Variants in AFF4 observed in about 807,000 individuals in gnomAD.
The protein encoded by AFF4 is AF4/FMR2 family member 4.
In AFF4, 13 loss-of-function variants were observed where a neutral mutation model predicts 124.8. That is an observed-to-expected ratio of 0.10 (90% CI 0.07 to 0.17). The LOEUF (loss-of-function observed/expected upper bound fraction) is 0.17. Ranked by LOEUF, AFF4 falls within the 10% of genes least tolerant of loss-of-function variation. The pLI, the probability that AFF4 is intolerant of heterozygous loss-of-function variation, is 1.00. For missense variants in AFF4, 1,092 were observed against 1,403.8 expected (o/e 0.78, Z 3.55); for synonymous variants, 477 against 496.1 (o/e 0.96, Z 0.51).
At chr5:132,907,624 ATG>A (rs143864697) in intron 5 of AFF4, among the ~76,000 whole-genome samples, 3 of 151,354 alleles carry the variant, frequency 2.0e-5, no homozygotes, top group Non-Finnish European at 3.0e-5. Context: ...ATGTGTGCAT[ATG>A]TGTGTGTGTG....
At chr5:132,931,187 G>A (rs1279903850) in intron 4 of AFF4, among the ~76,000 whole-genome samples, 2 of 152,012 alleles carry the variant, frequency 1.3e-5, no homozygotes, top group African/African-American at 4.8e-5. Flanking sequence ...GGCCGGGCAG[G>A]AGGATGGGGG....
chr5:132,941,244 G>C (rs1761562150), intron 1 of AFF4, among the ~76,000 whole-genome samples: 1 of 152,116 alleles, frequency 6.6e-6, no homozygotes, highest in Non-Finnish European at 1.5e-5. Context: ...AAATTTAAAT[G>C]AGTCAATCTG....
In AFF4 at chr5:132,963,599, G is replaced by C; in HGVS notation, c.-345C>G. On this transcript the variant is annotated 5_prime_UTR_variant, in exon 1 of 21. Transcript: ENST00000265343. ...CGCCCCGTCCGCTGGCGGCGGCGACGGCAGCTGGACTCCTGCAGCCAGGGC... is the reference window on the plus strand; with the variant it reads ...CGCCCCGTCCGCTGGCGGCGGCGACCGCAGCTGGACTCCTGCAGCCAGGGC... The C allele has an allele frequency of 2.5e-6, 1 of 397,600 alleles. No homozygotes were observed. Among genetic ancestry groups the C allele is most frequent in the Admixed American group, 4.4e-5 (1 of 22,702 alleles). The allele number at this position is 397,600 out of a possible 1,614,324, so 24.6% of individuals were successfully genotyped here. A position where few individuals can be genotyped will look rare whatever the true frequency, so the allele number is the denominator to read the frequency against.
At chr5:132,957,190 A>T (rs1397801025) in intron 1 of AFF4, among the ~76,000 whole-genome samples, 1 of 151,284 alleles carries the variant, frequency 6.6e-6, no homozygotes, top group Non-Finnish European at 1.5e-5. Context: ...AAACCAAAAA[A>T]TTTAGCCAGG....
intron 18 of AFF4, 36 bp from the exon 19 acceptor site, chr5:132,885,155 A>T: frequency 6.8e-7 from 1 of 1,465,752 alleles, no homozygotes; most frequent in Non-Finnish European, 9.4e-7. Context: ...ACAACAACAA[A>T]AACCACCACT....
Position 132,881,095 on chromosome 5 carries a change from C to T in AFF4, c.3456G>A (p.Leu1152=). The T allele has an allele frequency of 6.2e-7, 1 of 1,614,100 alleles. No homozygotes were observed. The highest frequency in any genetic ancestry group is 8.5e-7 in the Non-Finnish European group (1 of 1,179,986). ...ACTTGGCATCCTGGCGAAGCCAGTG[C>T]AGTCCCTGCCGGGTATAACGAACTA... ...TDLVRYTRQG[L]HWLRQDAKLI... The change falls in exon 21 of 21, where the codon CTG becomes CTA. Residue 1152 remains leucine, a synonymous_variant. Coordinates refer to ENST00000265343, the MANE Select transcript of AFF4 (RefSeq NM_014423.4).
intron 2 of AFF4, 145 bp from the exon 3 acceptor site, chr5:132,935,086 A>C: frequency 7.3e-6 from 4 of 548,748 alleles, no homozygotes; most frequent in Non-Finnish European, 1.2e-5. Flanking sequence ...AATACCTTGA[A>C]GCAAACTCCA....
rs1163731664 is a variant in AFF4 at position 132,959,757 on chromosome 5, C to CTTTTTTTT, written c.-5+3494_-5+3501dup. ...GTTAACAACAAGTAGGAGTGCTTTT[C>CTTTTTTTT]TTTTTTTTTTTTTTTTTTTTTTTTT... is the stretch of plus-strand genomic sequence containing the variant. On this transcript the variant is annotated intron_variant, in intron 1 of 20. Transcript: ENST00000265343. Among the ~76,000 whole-genome samples, 344 of 71,490 alleles carry CTTTTTTTT rather than the reference C, an allele frequency of 4.8e-3. 16 individuals are homozygous for CTTTTTTTT. The highest frequency in any genetic ancestry group is 0.014 in the East Asian group (29 of 2,042). The allele number at this position is 71,490 out of a possible 152,430, so 46.9% of individuals were successfully genotyped here. A position where few individuals can be genotyped will look rare whatever the true frequency, so the allele number is the denominator to read the frequency against.
chr5:132,892,334 C>A lies in AFF4; in HGVS notation c.2467G>T (p.Asp823Tyr). The change falls in exon 13 of 21, where the codon GAT becomes TAT. Residue 823 changes from aspartate to tyrosine, a missense_variant. Physicochemically the swap from Asp to Tyr is radical, Grantham distance 160. Around this residue, in one of 11 missense-constraint regions of AFF4, gnomAD observed 293 missense variants for 280.2 expected, o/e 1.05. Coordinates refer to ENST00000265343, the MANE Select transcript of AFF4 (RefSeq NM_014423.4). The part of the protein sequence containing the change: ...PSPAGPVPSK[D>Y]PKTEHGSRKR... ...CGAGAGCCATGCTCTGTTTTTGGATCTTTTGAAGGAACAGGCCCAGCGGGA... is the reference window on the plus strand; with the variant it reads ...CGAGAGCCATGCTCTGTTTTTGGATATTTTGAAGGAACAGGCCCAGCGGGA... 2 of 1,614,086 alleles carry A rather than the reference C, an allele frequency of 1.2e-6. No homozygotes were observed. Among genetic ancestry groups the A allele is most frequent in the Non-Finnish European group, 1.7e-6 (2 of 1,180,010 alleles).
At chr5:132,938,986 A>G (rs1761502250) in intron 1 of AFF4, among the ~76,000 whole-genome samples, 1 of 150,394 alleles carries the variant, frequency 6.6e-6, no homozygotes, top group South Asian at 2.1e-4. Flanking sequence ...TTTAGAAAAA[A>G]AAAAAAAAAA....
At chr5:132,909,123 CT>C (rs34141962) in intron 5 of AFF4, among the ~76,000 whole-genome samples, 45,915 of 112,600 alleles carry the variant, frequency 0.41, 7,257 homozygotes, top group East Asian at 0.61. Context: ...AAAACATCAT[CT>C]TTTTTTTTTT....
intron 18 of AFF4, among the ~76,000 whole-genome samples, chr5:132,885,435 C>T (rs1164971051): frequency 8.7e-6 from 1 of 115,326 alleles, no homozygotes; most frequent in African/African-American, 3.6e-5. Context: ...GAGCCATGAT[C>T]GTTTTTTTTA....
chr5:132,949,698 A>ACGCGCGCG (rs1435946647), intron 1 of AFF4, among the ~76,000 whole-genome samples: 2 of 142,036 alleles, frequency 1.4e-5, no homozygotes, highest in African/African-American at 2.9e-5. Context: ...ACACACACAC[A>ACGCGCGCG]CACGCGCGCG....
At chr5:132,961,863 A>T (rs1394840819) in intron 1 of AFF4, among the ~76,000 whole-genome samples, 1 of 152,236 alleles carries the variant, frequency 6.6e-6, no homozygotes, top group East Asian at 1.9e-4. Context: ...CTGGTAATAA[A>T]AAAAGAAAAA....
At chr5:132,906,916 A>G (rs1055128845) in intron 5 of AFF4, among the ~76,000 whole-genome samples, 2 of 152,208 alleles carry the variant, frequency 1.3e-5, no homozygotes, top group Admixed American at 1.3e-4. Flanking sequence ...ACTGGGCAAC[A>G]TACCAAGATC....
At chr5:132,938,709 C>G (rs991140419) in intron 1 of AFF4, among the ~76,000 whole-genome samples, 1 of 151,612 alleles carries the variant, frequency 6.6e-6, no homozygotes, top group Non-Finnish European at 1.5e-5. Context: ...TTTGGGAGGC[C>G]GAGGTGGGCA....
At chr5:132,929,785 T>C (rs988671309) in intron 4 of AFF4, among the ~76,000 whole-genome samples, 4 of 152,066 alleles carry the variant, frequency 2.6e-5, no homozygotes, top group Admixed American at 2.0e-4. Context: ...CCACTGAAAA[T>C]TTTTAGGGAA....
intron 1 of AFF4, among the ~76,000 whole-genome samples, chr5:132,952,478 G>C (rs1186498285): frequency 6.6e-6 from 1 of 152,192 alleles, no homozygotes; most frequent in Non-Finnish European, 1.5e-5. Flanking sequence ...AGCTTCCCCA[G>C]TTCCTCTGGC....
At chr5:132,932,373 T>C (rs1259564016) in intron 3 of AFF4, 151 bp from the exon 4 acceptor site, 3 of 521,086 alleles carry the variant, frequency 5.8e-6, no homozygotes, top group African/African-American at 2.0e-5. Context: ...TCCTTAAATA[T>C]AAATTTTTCA....
Sources: allele counts gnomAD v4.1 joint callset (sites outside exome capture counted in the v4.1 genomes callset), GRCh38; gene constraint gnomAD v4.1.1; regional missense constraint gnomAD v4.1.1; transcripts MANE v1.5; gene names NCBI Gene and HGNC (gene_info 2026-07-23, HGNC 2026-07-21).